The following SNTA1 variants were observed in gnomAD, a reference collection of about 807,000 sequenced individuals.
The protein encoded by SNTA1 is syntrophin alpha 1.
Under a neutral mutation model 47.1 loss-of-function variants are expected in SNTA1, and 31 were observed. That is an observed-to-expected ratio of 0.66 (90% CI 0.49 to 0.89). SNTA1 has a LOEUF of 0.89. Among genes scored for constraint, SNTA1 ranks in the 40% least tolerant of loss-of-function variants. The pLI is 0.00. For missense variants in SNTA1, 575 were observed against 693.0 expected (o/e 0.83, Z 1.91); for synonymous variants, 300 against 313.6 (o/e 0.96, Z 0.46).
chr20:33,428,936 G>C (rs532993189), intron 2 of SNTA1, among the ~76,000 whole-genome samples: 15 of 152,136 alleles, frequency 9.9e-5, no homozygotes, highest in African/African-American at 3.6e-4. Flanking sequence ...AGCTACTTGG[G>C]AGGCTGAGGC....
chr20:33,435,171 T>C (rs953181337), intron 2 of SNTA1, among the ~76,000 whole-genome samples: 3 of 150,106 alleles, frequency 2.0e-5, no homozygotes, highest in African/African-American at 7.3e-5. Context: ...TTTGTATTTT[T>C]AGTAGAGACG....
rs1200042248 is a variant in SNTA1 at position 33,412,310 on chromosome 20, T to C, written c.1026A>G (p.Pro342=). 6 of 1,610,260 alleles carry C rather than the reference T, an allele frequency of 3.7e-6. No homozygotes were observed. The highest frequency in any genetic ancestry group is 2.2e-5 in the South Asian group (2 of 90,490). Residue 342 remains proline (P), a synonymous_variant, in exon 5 of 8, where the codon CCA becomes CCG. Coordinates refer to ENST00000217381, the MANE Select transcript of SNTA1 (RefSeq NM_003098.3). ...EALSRPARTA[P]LIATRLVHSG... Reference sequence around the variant, plus strand: ...CCTGTGGGTACCTGGTGGCGATGAGTGGGGCAGTACGGGCTGGCCGGCTCA... The same window carrying C: ...CCTGTGGGTACCTGGTGGCGATGAGCGGGGCAGTACGGGCTGGCCGGCTCA...
At chr20:33,421,003 A>G (rs1341366045) in intron 2 of SNTA1, among the ~76,000 whole-genome samples, 2 of 151,462 alleles carry the variant, frequency 1.3e-5, no homozygotes, top group Non-Finnish European at 2.9e-5. Context: ...AAAGAAAAAG[A>G]AAGTAAAATT....
chr20:33,437,701 G>A (rs947858989), intron 2 of SNTA1, among the ~76,000 whole-genome samples: 12 of 152,108 alleles, frequency 7.9e-5, no homozygotes, highest in African/African-American at 2.9e-4. Context: ...CCACCTCCCT[G>A]TGCCTGTTCT....
intron 2 of SNTA1, among the ~76,000 whole-genome samples, chr20:33,424,803 G>A (rs1451610513): frequency 2.0e-5 from 3 of 150,354 alleles, no homozygotes; most frequent in East Asian, 2.1e-4. Flanking sequence ...TTGAGCCACC[G>A]TGCCTGGCCT....
chr20:33,437,217 C>T (rs1990462780), intron 2 of SNTA1, among the ~76,000 whole-genome samples: 1 of 150,802 alleles, frequency 6.6e-6, no homozygotes, highest in Non-Finnish European at 1.5e-5. Context: ...GAGCCGAGAT[C>T]ATGCCACTGC....
chr20:33,443,700 G>A lies in SNTA1; in HGVS notation c.-80C>T, dbSNP rs1209760449. The A allele has an allele frequency of 2.8e-5, 26 of 939,202 alleles. No individual in the cohort carries two copies. The highest frequency in any genetic ancestry group is 3.1e-5 in the Non-Finnish European group (23 of 751,486). 58.2% of individuals were successfully genotyped at this position (939,202 alleles called of 1,614,324 possible). ...CCGCTCCGACCAAGCGCCCAGGGCAGAGGGCAGCGGGGGCCCGGCTGGGCC... is the reference window on the plus strand; with the variant it reads ...CCGCTCCGACCAAGCGCCCAGGGCAAAGGGCAGCGGGGGCCCGGCTGGGCC... On this transcript the variant is annotated 5_prime_UTR_variant, in exon 1 of 8. Transcript: ENST00000217381.
At chr20:33,442,997 C>T (rs1990614557) in intron 1 of SNTA1, among the ~76,000 whole-genome samples, 3 of 152,034 alleles carry the variant, frequency 2.0e-5, no homozygotes, top group Admixed American at 1.3e-4. Context: ...TCCGGGGGAC[C>T]CCTCTTGTCC....
At chr20:33,433,590 G>T (rs534864787) in intron 2 of SNTA1, among the ~76,000 whole-genome samples, 1 of 152,250 alleles carries the variant, frequency 6.6e-6, no homozygotes, top group East Asian at 1.9e-4. Flanking sequence ...ATGCATGACA[G>T]GCTCACTGTT....
intron 2 of SNTA1, among the ~76,000 whole-genome samples, chr20:33,428,963 C>T (rs1834126850): frequency 6.6e-6 from 1 of 151,854 alleles, no homozygotes; most frequent in Admixed American, 6.6e-5. Context: ...ACTGCTTGAA[C>T]CTGAGAGGCA....
intron 2 of SNTA1, among the ~76,000 whole-genome samples, chr20:33,438,236 G>T (rs1694962125): frequency 6.6e-6 from 1 of 152,116 alleles, no homozygotes; most frequent in Admixed American, 6.6e-5. Flanking sequence ...GGAGGCAGAG[G>T]TTGCGATGAA....
At chr20:33,417,696 G>A (rs1989908737) in intron 3 of SNTA1, 23 bp downstream of exon 3, 2 of 1,585,744 alleles carry the variant, frequency 1.3e-6, no homozygotes, top group African/African-American at 1.3e-5. Context: ...GTCCATCTGA[G>A]TTGCTCCCAA....
At chr20:33,411,394 C>G (rs185785822) in intron 5 of SNTA1, among the ~76,000 whole-genome samples, 1 of 152,232 alleles carries the variant, frequency 6.6e-6, no homozygotes, top group East Asian at 1.9e-4. Context: ...CTCCTTCACC[C>G]GCCCCATCTG....
At chr20:33,417,515 C>T (rs960009646) in intron 3 of SNTA1, among the ~76,000 whole-genome samples, 1 of 152,222 alleles carries the variant, frequency 6.6e-6, no homozygotes, top group East Asian at 1.9e-4. Flanking sequence ...CAGATGTGAG[C>T]TGCCCAGAGG....
rs143909402 is a variant in SNTA1, at chr20:33,441,063, A to G, written c.311-2037T>C. Reference sequence around the variant, plus strand: ...TAAACATCTTTATTACCAAACTCTTAAATGCCCTTTTAAAATAAGAAATAG... The same window carrying G: ...TAAACATCTTTATTACCAAACTCTTGAATGCCCTTTTAAAATAAGAAATAG... On this transcript the variant is annotated intron_variant, in intron 1 of 7. Transcript: ENST00000217381. Among the ~76,000 whole-genome samples, 1,314 of 152,348 alleles carry G rather than the reference A, an allele frequency of 8.6e-3. 13 individuals carry two copies. Among genetic ancestry groups the G allele is most frequent in the African/African-American group, 0.029 (1,199 of 41,582 alleles).
intron 6 of SNTA1, among the ~76,000 whole-genome samples, chr20:33,409,754 C>T (rs1463528536): frequency 6.6e-6 from 1 of 152,134 alleles, no homozygotes; most frequent in Non-Finnish European, 1.5e-5. Context: ...CCTCAGCCTC[C>T]CGAGTAGCTA....
Position 33,408,720 on chromosome 20 carries a change from C to T in SNTA1, c.1406G>A (p.Gly469Glu). Residue 469 changes from glycine (G) to glutamate (E), a missense_variant, in exon 7 of 8, where the codon GGA becomes GAA. Coordinates refer to ENST00000217381, the MANE Select transcript of SNTA1 (RefSeq NM_003098.3). ...DGASLLFLDF[G>E]GAEGEIQLDL... ...ACTCACGATCTCGCCTTCAGCACCT[C>T]CAAAATCCAGGAAAAGGAGACTGGC... 1.2e-6 allele frequency: 2 copies of T among 1,614,116 alleles called. No individual in the cohort carries two copies. The highest frequency in any genetic ancestry group is 1.7e-6 in the Non-Finnish European group (2 of 1,180,006).
chr20:33,427,683 G>T (rs1286720597), intron 2 of SNTA1, among the ~76,000 whole-genome samples: 1 of 152,148 alleles, frequency 6.6e-6, no homozygotes, highest in Non-Finnish European at 1.5e-5. Context: ...TCAGATGAGT[G>T]CTCACAGGTG....
At chr20:33,432,180 T>A (rs890490361) in intron 2 of SNTA1, among the ~76,000 whole-genome samples, 1 of 152,058 alleles carries the variant, frequency 6.6e-6, no homozygotes, top group Non-Finnish European at 1.5e-5. Context: ...TCAGCTAAGT[T>A]GAAACAGGGT....
Sources: gnomAD v4.1 joint callset for allele counts (sites outside exome capture counted in the v4.1 genomes callset) on GRCh38, gnomAD v4.1.1 for gene constraint, MANE v1.5 for transcripts, NCBI Gene and HGNC (gene_info 2026-07-23, HGNC 2026-07-21) for gene names.